Variants in FMNL2 observed in about 807,000 individuals in gnomAD.
FMNL2 encodes the protein formin-like protein 2.
Under a neutral mutation model 130.2 loss-of-function variants are expected in FMNL2, and 51 were observed. The observed-to-expected ratio is 0.39, with a 90% CI of 0.31 to 0.49. The LOEUF (loss-of-function observed/expected upper bound fraction) is 0.49, where lower values mean the gene tolerates loss of function less well. FMNL2 is among the 20% of genes least tolerant of loss of function. FMNL2 has a pLI of 0.85. For synonymous variants in FMNL2, 465 were observed against 467.1 expected (o/e 1.00, Z 0.06); for missense variants, 977 against 1,316.2 (o/e 0.74, Z 3.99).
chr2:152,505,036 A>G (rs1692079307), intron 1 of FMNL2, among the ~76,000 whole-genome samples: 1 of 152,128 alleles, frequency 6.6e-6, no homozygotes, highest in African/African-American at 2.4e-5. Context: ...ATTGCATGAT[A>G]TTTCCCTCTG....
chr2:152,517,418 C>A (rs1692834581), intron 1 of FMNL2, among the ~76,000 whole-genome samples: 1 of 152,100 alleles, frequency 6.6e-6, no homozygotes. Flanking sequence ...AGAAGAACAT[C>A]AAAAATTGTT....
At position 152,354,926 on chromosome 2, in the gene FMNL2, G is replaced by A. The variant is rs533401613; in HGVS notation, c.117+19206G>A. Among the ~76,000 whole-genome samples, 3 of 152,164 alleles carry A rather than the reference G, an allele frequency of 2.0e-5. 1 individual carries two copies. In the South Asian group the frequency reaches 6.2e-4, roughly 32 times the overall value. On this transcript the variant is annotated intron_variant, in intron 1 of 25. Coordinates refer to ENST00000288670, the MANE Select transcript of FMNL2 (RefSeq NM_052905.4). ...TCCATATCAAATAGCCTTAATTTTT[G>A]TATTTTAGTAATGAAGGTATGAACC... is the stretch of plus-strand genomic sequence containing the variant.
chr2:152,456,890 AT>A (rs1273927044), intron 1 of FMNL2, among the ~76,000 whole-genome samples: 2 of 150,238 alleles, frequency 1.3e-5, no homozygotes, highest in Non-Finnish European at 3.0e-5. Context: ...GTGAGCCAAG[AT>A]TGCGCCACTA....
intron 1 of FMNL2, among the ~76,000 whole-genome samples, chr2:152,518,414 G>T (rs1692895278): frequency 6.6e-6 from 1 of 152,172 alleles, no homozygotes; most frequent in African/African-American, 2.4e-5. Context: ...AACTAATCAT[G>T]CTCAAAAAGA....
chr2:152,340,401 G>A (rs960855097), intron 1 of FMNL2, among the ~76,000 whole-genome samples: 9 of 152,120 alleles, frequency 5.9e-5, no homozygotes, highest in African/African-American at 1.7e-4. Context: ...GGATAAAGTT[G>A]GCAGAAATTC....
chr2:152,502,201 T>G (rs1046346979), intron 1 of FMNL2, among the ~76,000 whole-genome samples: 2 of 152,256 alleles, frequency 1.3e-5, no homozygotes, highest in Non-Finnish European at 2.9e-5. Flanking sequence ...TAGGATTGAT[T>G]GTTTTCATCC....
chr2:152,559,208 A>G (rs1347778337), intron 5 of FMNL2, among the ~76,000 whole-genome samples: 1 of 152,240 alleles, frequency 6.6e-6, no homozygotes, highest in Non-Finnish European at 1.5e-5. Context: ...GTATATTTGC[A>G]TATGCTAGTA....
chr2:152,619,841 G>T lies in FMNL2; in HGVS notation c.1837+123G>T, dbSNP rs1006646160. On this transcript the variant is annotated intron_variant, in intron 15 of 25. Coordinates refer to ENST00000288670, the MANE Select transcript of FMNL2 (RefSeq NM_052905.4). ...TGATGTGTATCTCTTCCTAGTATAA[G>T]AAATTCCTGCTGATGTAGCCGATAG... The T allele has an allele frequency of 2.0e-6, 3 of 1,478,448 alleles. No individual in the cohort carries two copies. The African/African-American group carries it at 4.2e-5, about 21-fold the overall frequency. 91.6% of individuals were successfully genotyped at this position (1,478,448 alleles called of 1,614,324 possible). A position where few individuals can be genotyped will look rare whatever the true frequency, so the allele number is the denominator to read the frequency against.
intron 6 of FMNL2, among the ~76,000 whole-genome samples, chr2:152,565,270 G>A (rs1292585217): frequency 6.6e-6 from 1 of 152,196 alleles, no homozygotes; most frequent in Non-Finnish European, 1.5e-5. Context: ...TTAGGGTTTG[G>A]AGGAAGGGAC....
At chr2:152,423,526 C>T (rs910446882) in intron 1 of FMNL2, among the ~76,000 whole-genome samples, 24 of 152,236 alleles carry the variant, frequency 1.6e-4, no homozygotes, top group African/African-American at 5.5e-4. Flanking sequence ...CCAGTACCTT[C>T]TAGGAAACAG....
intron 1 of FMNL2, among the ~76,000 whole-genome samples, chr2:152,440,544 G>T (rs566949233): frequency 1.3e-5 from 2 of 152,310 alleles, no homozygotes; most frequent in African/African-American, 4.8e-5. Flanking sequence ...TTCTTGGAAT[G>T]TTAAGATTGA....
chr2:152,521,668 C>G (rs990318047), intron 1 of FMNL2, among the ~76,000 whole-genome samples: 4 of 152,100 alleles, frequency 2.6e-5, no homozygotes, highest in Non-Finnish European at 4.4e-5. Flanking sequence ...TCTGCCAAAG[C>G]GACAAGGCAT....
chr2:152,475,779 A>G (rs978755933), intron 1 of FMNL2, among the ~76,000 whole-genome samples: 20 of 152,100 alleles, frequency 1.3e-4, no homozygotes, highest in African/African-American at 4.1e-4. Flanking sequence ...GGTTACAGGC[A>G]TGAGCCACCG....
At chr2:152,576,079 G>T (rs1173632516) in intron 7 of FMNL2, among the ~76,000 whole-genome samples, 1 of 152,088 alleles carries the variant, frequency 6.6e-6, no homozygotes, top group African/African-American at 2.4e-5. Flanking sequence ...TAGAAAAGTG[G>T]AATTCAAATA....
chr2:152,392,272 A>G (rs1218132627), intron 1 of FMNL2, among the ~76,000 whole-genome samples: 3 of 152,142 alleles, frequency 2.0e-5, no homozygotes, highest in Admixed American at 2.0e-4. Context: ...GATTTAGTGG[A>G]TGATTTCAGT....
At chr2:152,506,403 C>T (rs1466724965) in intron 1 of FMNL2, among the ~76,000 whole-genome samples, 1 of 151,706 alleles carries the variant, frequency 6.6e-6, no homozygotes, top group Admixed American at 6.6e-5. Context: ...CTCCCTTATA[C>T]TTTAAATCAT....
intron 1 of FMNL2, among the ~76,000 whole-genome samples, chr2:152,502,325 A>G (rs1691888621): frequency 6.6e-6 from 1 of 152,234 alleles, no homozygotes; most frequent in Non-Finnish European, 1.5e-5. Context: ...CACAGGTTAT[A>G]ACATTTATTT....
At chr2:152,400,322 ACT>A (rs1685616850) in intron 1 of FMNL2, among the ~76,000 whole-genome samples, 1 of 152,120 alleles carries the variant, frequency 6.6e-6, no homozygotes, top group African/African-American at 2.4e-5. Flanking sequence ...AGTCCCAGCT[ACT>A]CTGTGGGCTG....
intron 1 of FMNL2, among the ~76,000 whole-genome samples, chr2:152,362,397 AC>A (rs1003630904): frequency 3.3e-5 from 5 of 152,184 alleles, no homozygotes; most frequent in African/African-American, 1.2e-4. Flanking sequence ...CTTTTAAATC[AC>A]TTTCTTCGCT....
Sources: allele counts gnomAD v4.1 joint callset (sites outside exome capture counted in the v4.1 genomes callset), GRCh38; gene constraint gnomAD v4.1.1; transcripts MANE v1.5; gene names NCBI Gene and HGNC (gene_info 2026-07-23, HGNC 2026-07-21).